Variants in ADAMTS17 observed in about 807,000 individuals in gnomAD.
The protein encoded by ADAMTS17 is ADAM metallopeptidase with thrombospondin type 1 motif 17.
Under a neutral mutation model 141.5 loss-of-function variants are expected in ADAMTS17, and 113 were observed. That is an observed-to-expected ratio of 0.80 (90% CI 0.69 to 0.93). The LOEUF (loss-of-function observed/expected upper bound fraction) is 0.93, where lower values mean the gene tolerates loss of function less well. ADAMTS17 is among the 40% of genes least tolerant of loss of function. The pLI is 0.00. For missense variants in ADAMTS17, 1,659 were observed against 1,517.9 expected, an observed-to-expected ratio of 1.09 and a Z score of -1.54; for synonymous variants, 768 against 630.6, an observed-to-expected ratio of 1.22 and a Z score of -3.27.
chr15:100,244,326 C>A lies in ADAMTS17; in HGVS notation c.1075+9810G>T, dbSNP rs937487337. ...CAAACCGTATCAGTAAGTCACTCAACGACAGTGGTGGACAAGCAAGATTCG... is the reference window on the plus strand; with the variant it reads ...CAAACCGTATCAGTAAGTCACTCAAAGACAGTGGTGGACAAGCAAGATTCG... On this transcript the variant is annotated intron_variant, in intron 7 of 21. Coordinates refer to ENST00000268070, the MANE Select transcript of ADAMTS17 (RefSeq NM_139057.4). Among the ~76,000 whole-genome samples the A allele has an allele frequency of 1.5e-4, 22 of 142,766 alleles. No homozygotes were observed. In the Admixed American group the frequency reaches 1.6e-3, roughly 10 times the overall value. 93.7% of individuals were successfully genotyped at this position (142,766 alleles called of 152,430 possible).
intron 8 of ADAMTS17, among the ~76,000 whole-genome samples, chr15:100,171,810 C>T (rs376594537): frequency 3.7e-4 from 57 of 152,250 alleles, no homozygotes; most frequent in African/African-American, 1.1e-3. Context: ...ATGGAACCAA[C>T]GGACCCAACA....
chr15:100,029,775 T>G (rs916912058), intron 18 of ADAMTS17, among the ~76,000 whole-genome samples: 7 of 152,236 alleles, frequency 4.6e-5, no homozygotes, highest in Non-Finnish European at 1.0e-4. Context: ...TCACCAAATC[T>G]GGTGATTTCC....
At chr15:100,004,236 G>A (rs538757716) in intron 18 of ADAMTS17, among the ~76,000 whole-genome samples, 9 of 152,372 alleles carry the variant, frequency 5.9e-5, no homozygotes, top group Admixed American at 2.6e-4. Context: ...CAAGCACTCC[G>A]CAGCGTATTT....
At chr15:100,113,679 G>C (rs1323328415) in intron 13 of ADAMTS17, among the ~76,000 whole-genome samples, 1 of 152,218 alleles carries the variant, frequency 6.6e-6, no homozygotes, top group East Asian at 1.9e-4. Flanking sequence ...GCAAGCTTCG[G>C]AGACCACAGA....
intron 8 of ADAMTS17, among the ~76,000 whole-genome samples, chr15:100,188,456 C>G (rs1177958221): frequency 1.3e-5 from 2 of 151,876 alleles, no homozygotes; most frequent in African/African-American, 2.4e-5. Flanking sequence ...TAGGGAGAGT[C>G]TGACATTCTT....
intron 20 of ADAMTS17, among the ~76,000 whole-genome samples, chr15:99,978,339 G>C (rs1256199470): frequency 2.0e-5 from 3 of 152,184 alleles, no homozygotes; most frequent in Admixed American, 6.5e-5. Flanking sequence ...CATTCAGAGG[G>C]AATGTTGCTC....
At chr15:100,291,606 G>A (rs943344926) in intron 3 of ADAMTS17, among the ~76,000 whole-genome samples, 2 of 152,026 alleles carry the variant, frequency 1.3e-5, no homozygotes, top group African/African-American at 4.8e-5. Context: ...GCCTATCAAT[G>A]GTAGACTGGT....
At chr15:100,068,545 G>C (rs1318716609) in intron 15 of ADAMTS17, among the ~76,000 whole-genome samples, 1 of 152,178 alleles carries the variant, frequency 6.6e-6, no homozygotes, top group Non-Finnish European at 1.5e-5. Context: ...GTATCCCTCT[G>C]AGACAAAACT....
intron 18 of ADAMTS17, among the ~76,000 whole-genome samples, chr15:100,012,723 A>G (rs2061211184): frequency 6.6e-6 from 1 of 152,170 alleles, no homozygotes; most frequent in East Asian, 1.9e-4. Flanking sequence ...TGGGTTCTCT[A>G]TTCTGTTCCA....
intron 8 of ADAMTS17, among the ~76,000 whole-genome samples, chr15:100,187,341 C>A (rs1181013218): frequency 1.3e-5 from 2 of 152,090 alleles, no homozygotes; most frequent in Non-Finnish European, 2.9e-5. Flanking sequence ...CCTTTGGTAA[C>A]CAGCCCTCTT....
chr15:100,143,606 AT>A (rs972246962), intron 10 of ADAMTS17, among the ~76,000 whole-genome samples: 2 of 152,032 alleles, frequency 1.3e-5, no homozygotes, highest in African/African-American at 4.8e-5. Flanking sequence ...GTTGATGCCA[AT>A]TTTTTTTCTA....
intron 7 of ADAMTS17, among the ~76,000 whole-genome samples, chr15:100,240,848 C>G (rs1305604784): frequency 1.3e-5 from 2 of 152,112 alleles, no homozygotes; most frequent in East Asian, 3.8e-4. Flanking sequence ...TTTTTTGAGA[C>G]AGAGTCTCGC....
intron 14 of ADAMTS17, among the ~76,000 whole-genome samples, chr15:100,103,705 A>G (rs971215089): frequency 4.6e-5 from 7 of 151,784 alleles, no homozygotes; most frequent in African/African-American, 1.7e-4. Flanking sequence ...CAGCCTCCTT[A>G]GCTGGAATTA....
At chr15:100,207,771 C>T (rs1167999858) in intron 7 of ADAMTS17, among the ~76,000 whole-genome samples, 1 of 152,156 alleles carries the variant, frequency 6.6e-6, no homozygotes, top group Non-Finnish European at 1.5e-5. Flanking sequence ...TTGCAAGTTA[C>T]AGCCAGGGAT....
intron 2 of ADAMTS17, among the ~76,000 whole-genome samples, chr15:100,335,615 G>A (rs1355005948): frequency 1.3e-5 from 2 of 152,222 alleles, no homozygotes; most frequent in African/African-American, 2.4e-5. Flanking sequence ...AGGCAACAGC[G>A]ATGACTGATC....
At chr15:100,143,221 C>T (rs1596545940) in intron 10 of ADAMTS17, among the ~76,000 whole-genome samples, 1 of 152,286 alleles carries the variant, frequency 6.6e-6, no homozygotes, top group South Asian at 2.1e-4. Context: ...CTAACTGCAC[C>T]CCTTCTTGCT....
chr15:100,230,135 A>G (rs987435673), intron 7 of ADAMTS17, among the ~76,000 whole-genome samples: 2 of 152,244 alleles, frequency 1.3e-5, no homozygotes, highest in Admixed American at 1.3e-4. Context: ...AACTGAGAAG[A>G]CAACTCAGAA....
chr15:100,197,515 AG>A (rs2141624010), intron 8 of ADAMTS17, among the ~76,000 whole-genome samples: 1 of 152,326 alleles, frequency 6.6e-6, no homozygotes, highest in South Asian at 2.1e-4. Flanking sequence ...TTAAGAACTC[AG>A]AGGTATTAAT....
At chr15:100,317,318 G>C (rs577210323) in intron 3 of ADAMTS17, among the ~76,000 whole-genome samples, 1 of 152,172 alleles carries the variant, frequency 6.6e-6, no homozygotes, top group African/African-American at 2.4e-5. Context: ...GAACACTCAG[G>C]GTGTAAAAGG....
Sources: gnomAD v4.1 joint callset for allele counts (sites outside exome capture counted in the v4.1 genomes callset) on GRCh38, gnomAD v4.1.1 for gene constraint, MANE v1.5 for transcripts, NCBI Gene and HGNC (gene_info 2026-07-23, HGNC 2026-07-21) for gene names.